The following CNTN4 variants were observed in gnomAD, a reference collection of about 807,000 sequenced individuals.
The protein encoded by CNTN4 is contactin 4, also known as contactin-4.
In CNTN4, 77 loss-of-function variants were observed where a neutral mutation model predicts 122.5. That is an observed-to-expected ratio of 0.63 (90% CI 0.52 to 0.76). The LOEUF is 0.76. Ranked by LOEUF, CNTN4 falls within the 30% of genes least tolerant of loss-of-function variation. The pLI is 0.00. For synonymous variants in CNTN4, 512 were observed against 447.0 expected, an observed-to-expected ratio of 1.15 and a Z score of -1.83; for missense variants, 1,256 against 1,259.1, an observed-to-expected ratio of 1.00 and a Z score of 0.04.
chr3:2,710,012 G>C (rs2087027069), intron 4 of CNTN4, among the ~76,000 whole-genome samples: 1 of 152,148 alleles, frequency 6.6e-6, no homozygotes, highest in Non-Finnish European at 1.5e-5. Context: ...TCGCTCTATA[G>C]ATGTCATTAG....
chr3:2,332,139 C>A (rs2043755323), intron 2 of CNTN4, among the ~76,000 whole-genome samples: 1 of 152,128 alleles, frequency 6.6e-6, no homozygotes, highest in South Asian at 2.1e-4. Flanking sequence ...TATCTTTGCA[C>A]ATATTGGAAA....
chr3:2,564,451 C>T (rs1290620585), intron 3 of CNTN4, among the ~76,000 whole-genome samples: 1 of 152,030 alleles, frequency 6.6e-6, no homozygotes, highest in African/African-American at 2.4e-5. Context: ...TGTTACAAGC[C>T]TCAAATGGCT....
chr3:2,324,781 A>G (rs936200757), intron 2 of CNTN4, among the ~76,000 whole-genome samples: 3 of 152,124 alleles, frequency 2.0e-5, no homozygotes, highest in Admixed American at 6.5e-5. Context: ...AGGGGGCTGG[A>G]CAAGCCTGGC....
intron 4 of CNTN4, among the ~76,000 whole-genome samples, chr3:2,698,687 G>T (rs952831220): frequency 5.9e-5 from 9 of 152,094 alleles, no homozygotes; most frequent in Non-Finnish European, 1.2e-4. Flanking sequence ...TGCTATTTAG[G>T]CATTCTTTTA....
chr3:2,785,131 A>ACG (rs1219915614), intron 6 of CNTN4, among the ~76,000 whole-genome samples: 2 of 118,832 alleles, frequency 1.7e-5, no homozygotes, highest in Admixed American at 9.3e-5. Context: ...ACACACACAC[A>ACG]CACACACATA....
intron 3 of CNTN4, among the ~76,000 whole-genome samples, chr3:2,466,970 C>CTTTTTTTTTTTTTTT (rs60879017): frequency 6.6e-4 from 77 of 115,790 alleles, no homozygotes; most frequent in Non-Finnish European, 7.6e-4. Context: ...TTCTTTCTTT[C>CTTTTTTTTTTTTTTT]TTTTTTTTTT....
At chr3:2,689,958 C>T (rs140799946) in intron 4 of CNTN4, among the ~76,000 whole-genome samples, 21 of 152,116 alleles carry the variant, frequency 1.4e-4, no homozygotes, top group African/African-American at 4.6e-4. Flanking sequence ...TTTCATTATG[C>T]CCAAAAACTA....
At chr3:3,038,812 A>T in intron 18 of CNTN4, 121 bp from the exon 19 acceptor site, 1 of 743,148 alleles carries the variant, frequency 1.3e-6, no homozygotes, top group Non-Finnish European at 2.4e-6. Context: ...GCTGATCTCC[A>T]GAGACAAAGG....
In CNTN4 at chr3:2,127,540, T is replaced by TA. The variant is rs892368753; in HGVS notation, c.-145+26909dup. On this transcript the variant is annotated intron_variant, in intron 2 of 24. Coordinates refer to ENST00000418658, the MANE Select transcript of CNTN4 (RefSeq NM_175607.3). ...TTCTCTATTACTTTTTTGATTGTTTTAAAAAAAATCAAGAATATTTCTAAA... is the reference window on the plus strand; with the variant it reads ...TTCTCTATTACTTTTTTGATTGTTTTAAAAAAAAATCAAGAATATTTCTAAA... 1.4e-4 allele frequency among the ~76,000 whole-genome samples: 22 copies of TA among 152,014 alleles called. No homozygotes were observed. In the East Asian group the frequency reaches 3.3e-3, roughly 23 times the overall value.
chr3:2,731,250 C>G (rs1476261780), intron 4 of CNTN4, among the ~76,000 whole-genome samples: 1 of 152,054 alleles, frequency 6.6e-6, no homozygotes, highest in Non-Finnish European at 1.5e-5. Context: ...CCAAAGATTT[C>G]CCACTCCTTG....
At chr3:2,302,499 G>A (rs770751776) in intron 2 of CNTN4, among the ~76,000 whole-genome samples, 6 of 152,196 alleles carry the variant, frequency 3.9e-5, no homozygotes, top group African/African-American at 7.2e-5. Flanking sequence ...ACAAATATAT[G>A]TTGTGGGATA....
chr3:3,030,063 C>T (rs773097806), intron 15 of CNTN4, among the ~76,000 whole-genome samples: 11 of 152,162 alleles, frequency 7.2e-5, no homozygotes, highest in Non-Finnish European at 1.5e-4. Flanking sequence ...GTCTCTTCAT[C>T]AAGCAGCTAT....
intron 2 of CNTN4, among the ~76,000 whole-genome samples, chr3:2,221,047 G>T (rs1162455745): frequency 1.3e-5 from 2 of 152,052 alleles, no homozygotes; most frequent in Non-Finnish European, 2.9e-5. Flanking sequence ...ATTCTACCTT[G>T]TTTCTAAGTA....
chr3:2,561,075 T>C (rs1017377610), intron 3 of CNTN4, among the ~76,000 whole-genome samples: 10 of 152,214 alleles, frequency 6.6e-5, no homozygotes, highest in African/African-American at 2.2e-4. Context: ...ACTTCCCCAC[T>C]AAGTGTATCC....
chr3:2,579,605 G>T (rs2079847127), intron 4 of CNTN4, among the ~76,000 whole-genome samples: 1 of 152,046 alleles, frequency 6.6e-6, no homozygotes, highest in Non-Finnish European at 1.5e-5. Context: ...TGAGGATTGA[G>T]AACGTGCATA....
intron 2 of CNTN4, among the ~76,000 whole-genome samples, chr3:2,241,184 G>A (rs938241128): frequency 6.6e-6 from 1 of 152,120 alleles, no homozygotes; most frequent in African/African-American, 2.4e-5. Flanking sequence ...ATATGAATAT[G>A]TAAATAGAGC....
At chr3:2,672,741 A>G (rs2084605540) in intron 4 of CNTN4, among the ~76,000 whole-genome samples, 1 of 152,194 alleles carries the variant, frequency 6.6e-6, no homozygotes, top group African/African-American at 2.4e-5. Context: ...CATCTATAAA[A>G]TGTTTTAAAT....
intron 4 of CNTN4, among the ~76,000 whole-genome samples, chr3:2,721,644 C>G (rs1346206787): frequency 6.6e-6 from 1 of 152,158 alleles, no homozygotes. Context: ...ACTAAGCACC[C>G]TCTTACTGCT....
intron 4 of CNTN4, among the ~76,000 whole-genome samples, chr3:2,597,729 G>A (rs1181466873): frequency 2.6e-5 from 4 of 152,126 alleles, no homozygotes; most frequent in Admixed American, 2.6e-4. Flanking sequence ...CGTCAGGGGA[G>A]CATAAATGAG....
Sources: allele counts gnomAD v4.1 joint callset (sites outside exome capture counted in the v4.1 genomes callset), GRCh38; gene constraint gnomAD v4.1.1; transcripts MANE v1.5; gene names NCBI Gene and HGNC (gene_info 2026-07-23, HGNC 2026-07-21).